Variants in CDK6 observed in about 807,000 individuals in gnomAD.
CDK6 encodes the protein cyclin dependent kinase 6.
In CDK6, 6 loss-of-function variants were observed where a neutral mutation model predicts 37.1. The observed-to-expected ratio is 0.16, with a 90% CI of 0.09 to 0.32. CDK6 has a LOEUF of 0.32. Ranked by LOEUF, CDK6 falls within the 10% of genes least tolerant of loss-of-function variation. CDK6 has a pLI of 1.00. For missense variants in CDK6, 224 were observed against 418.9 expected (o/e 0.53, Z 4.06); for synonymous variants, 160 against 161.3 (o/e 0.99, Z 0.06).
intron 3 of CDK6, among the ~76,000 whole-genome samples, chr7:92,769,301 G>A (rs927841574): frequency 2.0e-5 from 3 of 152,014 alleles, no homozygotes; most frequent in African/African-American, 7.3e-5. Flanking sequence ...AGCTTTTCTG[G>A]CCCTCTCAAG....
chr7:92,779,230 C>T (rs995374834), intron 2 of CDK6, among the ~76,000 whole-genome samples: 36 of 152,092 alleles, frequency 2.4e-4, no homozygotes, highest in African/African-American at 8.5e-4. Flanking sequence ...TCACTGATGC[C>T]ACCTGCAGCA....
At chr7:92,730,560 C>G (rs890391558) in intron 3 of CDK6, among the ~76,000 whole-genome samples, 9 of 152,320 alleles carry the variant, frequency 5.9e-5, no homozygotes, top group African/African-American at 9.6e-5. Context: ...CAGTCCTTGA[C>G]AGCCACCATT....
intron 4 of CDK6, among the ~76,000 whole-genome samples, chr7:92,693,002 A>G (rs1038704808): frequency 2.0e-4 from 30 of 152,246 alleles, no homozygotes; most frequent in Admixed American, 1.2e-3. Flanking sequence ...ATATTTTTTC[A>G]TCTTTGCTCT....
intron 4 of CDK6, among the ~76,000 whole-genome samples, chr7:92,681,705 G>A (rs1585395118): frequency 6.6e-6 from 1 of 152,144 alleles, no homozygotes; most frequent in Non-Finnish European, 1.5e-5. Flanking sequence ...AGAATGCTAC[G>A]GTCCTGTCCT....
At chr7:92,821,033 C>G (rs1223870170) in intron 2 of CDK6, among the ~76,000 whole-genome samples, 1 of 152,024 alleles carries the variant, frequency 6.6e-6, no homozygotes, top group Non-Finnish European at 1.5e-5. Flanking sequence ...GTGTATGTCT[C>G]TACCTCTTGA....
chr7:92,757,731 A>G (rs1201510598), intron 3 of CDK6, among the ~76,000 whole-genome samples: 1 of 152,138 alleles, frequency 6.6e-6, no homozygotes, highest in Non-Finnish European at 1.5e-5. Flanking sequence ...GAACCGCCAC[A>G]CTGATTTCCA....
intron 2 of CDK6, among the ~76,000 whole-genome samples, chr7:92,818,261 C>A (rs1176334802): frequency 2.0e-5 from 3 of 151,852 alleles, no homozygotes; most frequent in Non-Finnish European, 4.4e-5. Flanking sequence ...TAGATCAATG[C>A]AAAAGAACAA....
chr7:92,787,514 A>G (rs1800174685), intron 2 of CDK6, among the ~76,000 whole-genome samples: 1 of 152,052 alleles, frequency 6.6e-6, no homozygotes, highest in Admixed American at 6.6e-5. Flanking sequence ...ATGTTTGTCC[A>G]CTTAGAATAT....
chr7:92,653,473 T>C (rs908574232), intron 5 of CDK6, among the ~76,000 whole-genome samples: 16 of 152,154 alleles, frequency 1.1e-4, no homozygotes, highest in Non-Finnish European at 1.9e-4. Flanking sequence ...TGCCAAGACA[T>C]AGAAAAGGGA....
rs140957750 is a variant in CDK6, at chr7:92,782,365, C to G, written c.234-7534G>C. Among the ~76,000 whole-genome samples, 93 of 152,300 alleles carry G rather than the reference C, an allele frequency of 6.1e-4. 2 individuals are homozygous for G. The highest frequency in any genetic ancestry group is 1.2e-3 in the Non-Finnish European group (79 of 68,030). On this transcript the variant is annotated intron_variant, in intron 2 of 7. Transcript: ENST00000424848. ...CCATTTACCTCTCCTGGAAGCCACA[C>G]CCTTATTTTCTGTTGAGGAACTACT...
In CDK6 at chr7:92,833,389, G is replaced by T; in HGVS notation, c.-66C>A. ...CGGGGGGTGCGCTCAACTAGCTGGC[G>T]GCCGCCGCTCGCCTACTCCGGGGCT... On this transcript the variant is annotated 5_prime_UTR_variant, in exon 2 of 8. Coordinates refer to ENST00000424848, the MANE Select transcript of CDK6 (RefSeq NM_001145306.2). This position sits in a 1 kb window ranked among gnomAD's most constrained non-coding sequence, Gnocchi z 6.1. The T allele has an allele frequency of 8.6e-7, 1 of 1,168,392 alleles. No homozygotes were observed. The highest frequency in any genetic ancestry group is 1.2e-6 in the Non-Finnish European group (1 of 845,350). The allele number at this position is 1,168,392 out of a possible 1,614,324, so 72.4% of individuals were successfully genotyped here.
chr7:92,617,270 T>G (rs1374855364), intron 7 of CDK6, among the ~76,000 whole-genome samples: 2 of 152,174 alleles, frequency 1.3e-5, no homozygotes, highest in East Asian at 3.9e-4. Context: ...TATTTCTGCT[T>G]GCCCTTCTGG....
intron 2 of CDK6, among the ~76,000 whole-genome samples, chr7:92,775,386 C>T (rs1426536413): frequency 6.6e-6 from 1 of 152,208 alleles, no homozygotes; most frequent in African/African-American, 2.4e-5. Flanking sequence ...CTGGAAAGGG[C>T]ATACATTCTT....
At chr7:92,826,268 T>C (rs1437764681) in intron 2 of CDK6, among the ~76,000 whole-genome samples, 1 of 152,126 alleles carries the variant, frequency 6.6e-6, no homozygotes, top group Non-Finnish European at 1.5e-5. Flanking sequence ...AGGGCTGTCA[T>C]GGGAGTTAAC....
Position 92,606,698 on chromosome 7 carries a change from T to C in CDK6, c.*8442A>G. The C allele has an allele frequency of 4.3e-6, 1 of 233,204 alleles. No individual in the cohort carries two copies. 14.4% of individuals were successfully genotyped at this position (233,204 alleles called of 1,614,324 possible). On this transcript the variant is annotated 3_prime_UTR_variant, in exon 8 of 8. Transcript: ENST00000424848. Reference sequence around the variant, plus strand: ...AAGTCAGAAGGAAAAAAGCTTACTGTATGTGACAGTCTTCCTGAAACCTAA... The same window carrying C: ...AAGTCAGAAGGAAAAAAGCTTACTGCATGTGACAGTCTTCCTGAAACCTAA...
intron 2 of CDK6, among the ~76,000 whole-genome samples, chr7:92,816,807 C>CT (rs748650585): frequency 6.6e-6 from 1 of 151,980 alleles, no homozygotes; most frequent in Non-Finnish European, 1.5e-5. Context: ...TGACAAAACT[C>CT]TATCTGTATG....
chr7:92,643,088 T>C (rs1796351542), intron 5 of CDK6, among the ~76,000 whole-genome samples: 1 of 152,160 alleles, frequency 6.6e-6, no homozygotes, highest in Admixed American at 6.5e-5. Flanking sequence ...GGTTTGGCCA[T>C]GTTGCCCAGG....
chr7:92,650,792 T>A (rs955024591), intron 5 of CDK6, among the ~76,000 whole-genome samples: 7 of 152,228 alleles, frequency 4.6e-5, no homozygotes, highest in African/African-American at 1.7e-4. Flanking sequence ...TGGTTCCTAA[T>A]GTGGCTGCTA....
chr7:92,792,957 T>C (rs1214790373), intron 2 of CDK6, among the ~76,000 whole-genome samples: 2 of 149,130 alleles, frequency 1.3e-5, no homozygotes, highest in Non-Finnish European at 3.0e-5. Flanking sequence ...AGCAAGAAAA[T>C]AGATGAAGAA....
Sources: allele counts gnomAD v4.1 joint callset (sites outside exome capture counted in the v4.1 genomes callset), GRCh38; gene constraint gnomAD v4.1.1; non-coding constraint Gnocchi (gnomAD v3.1); transcripts MANE v1.5; gene names NCBI Gene and HGNC (gene_info 2026-07-23, HGNC 2026-07-21).